HSPA12A: variants seen among roughly 807,000 people sequenced by gnomAD.
HSPA12A encodes the protein heat shock 70 kDa protein 12A.
HSPA12A carries 28 observed loss-of-function variants against 69.2 expected under a neutral mutation model. The observed-to-expected ratio is 0.40, with a 90% CI of 0.30 to 0.55. The LOEUF (loss-of-function observed/expected upper bound fraction) is 0.55. Among genes scored for constraint, HSPA12A ranks in the 20% least tolerant of loss-of-function variants. HSPA12A has a pLI of 0.38. For missense variants in HSPA12A, 686 were observed against 900.7 expected, an observed-to-expected ratio of 0.76 and a Z score of 3.05; for synonymous variants, 345 against 370.5, an observed-to-expected ratio of 0.93 and a Z score of 0.79.
chr10:116,761,450 C>A (rs1239945409), intron 2 of HSPA12A, among the ~76,000 whole-genome samples: 2 of 150,134 alleles, frequency 1.3e-5, no homozygotes, highest in Non-Finnish European at 3.0e-5. Context: ...CACACCACTG[C>A]ACTCCCACCT....
At chr10:116,695,061 C>A (rs1188321722) in intron 5 of HSPA12A, among the ~76,000 whole-genome samples, 5 of 152,070 alleles carry the variant, frequency 3.3e-5, no homozygotes, top group African/African-American at 1.2e-4. Flanking sequence ...TCCTTCCCAG[C>A]CCACGGGCCC....
intron 2 of HSPA12A, among the ~76,000 whole-genome samples, chr10:116,809,612 A>G (rs1044305364): frequency 6.6e-6 from 1 of 152,048 alleles, no homozygotes; most frequent in Non-Finnish European, 1.5e-5. Flanking sequence ...TCATCAACAC[A>G]TTTCAGCGAC....
At chr10:116,807,486 TGCCACACA>T in intron 2 of HSPA12A, among the ~76,000 whole-genome samples, 1 of 152,288 alleles carries the variant, frequency 6.6e-6, no homozygotes, top group East Asian at 1.9e-4. Flanking sequence ...GGATTGAGTG[TGCCACACA>T]TACCCTGCCA....
chr10:116,718,321 G>A (rs1344503600), intron 1 of HSPA12A, among the ~76,000 whole-genome samples: 1 of 152,204 alleles, frequency 6.6e-6, no homozygotes, highest in Non-Finnish European at 1.5e-5. Context: ...GGGGAGGGGA[G>A]AGGGAAGAGG....
At chr10:116,832,592 G>T (rs570545160) in intron 2 of HSPA12A, 46 of 152,322 alleles carry the variant, frequency 3.0e-4, no homozygotes, top group African/African-American at 1.1e-3. Flanking sequence ...CAGCCTATTG[G>T]TCAATTCTAT....
At chr10:116,757,860 G>C (rs782058808) in intron 2 of HSPA12A, among the ~76,000 whole-genome samples, 4 of 152,164 alleles carry the variant, frequency 2.6e-5, no homozygotes. Context: ...GCCACATCCA[G>C]ATAAATACAA....
At chr10:116,749,754 A>G (rs1164863565) in intron 2 of HSPA12A, among the ~76,000 whole-genome samples, 1 of 152,238 alleles carries the variant, frequency 6.6e-6, no homozygotes, top group Non-Finnish European at 1.5e-5. Flanking sequence ...TGAGAAAACC[A>G]AAGGTCCAGT....
chr10:116,769,050 AAGTGACATCC>A (rs1844140674), intron 2 of HSPA12A, among the ~76,000 whole-genome samples: 1 of 152,184 alleles, frequency 6.6e-6, no homozygotes, highest in African/African-American at 2.4e-5. Context: ...CAGGTGTGGA[AAGTGACATCC>A]AGCACAGCAC....
At chr10:116,835,465 G>A (rs7101324) in intron 1 of HSPA12A, among the ~76,000 whole-genome samples, 9,329 of 152,102 alleles carry the variant, frequency 0.061, 867 homozygotes, top group African/African-American at 0.21. Context: ...ACATTTGACA[G>A]AGCCAATGTA....
chr10:116,794,737 C>T (rs1844781040), intron 2 of HSPA12A, among the ~76,000 whole-genome samples: 1 of 151,916 alleles, frequency 6.6e-6, no homozygotes, highest in Non-Finnish European at 1.5e-5. Context: ...TGCTTGAACT[C>T]CAGAGATGGA....
At chr10:116,738,518 T>C (rs951239746) in intron 1 of HSPA12A, among the ~76,000 whole-genome samples, 2 of 152,152 alleles carry the variant, frequency 1.3e-5, no homozygotes, top group African/African-American at 4.8e-5. Flanking sequence ...TTAGCAAGTT[T>C]TTCAAAGCCC....
chr10:116,678,113 G>A (rs1035832870), intron 10 of HSPA12A, among the ~76,000 whole-genome samples: 2 of 151,838 alleles, frequency 1.3e-5, no homozygotes, highest in South Asian at 4.2e-4. Flanking sequence ...GAGTATTCTA[G>A]CTAAATAAAT....
intron 2 of HSPA12A, among the ~76,000 whole-genome samples, chr10:116,793,115 A>T (rs1844735443): frequency 1.3e-5 from 2 of 152,284 alleles, no homozygotes; most frequent in Admixed American, 1.3e-4. Flanking sequence ...AGACATTTTC[A>T]AAACAACAAA....
chr10:116,693,405 C>T (rs1053722977), intron 5 of HSPA12A, among the ~76,000 whole-genome samples: 5 of 152,256 alleles, frequency 3.3e-5, no homozygotes, highest in East Asian at 1.9e-4. Flanking sequence ...TTCCCATCTG[C>T]GCAATGGAGA....
chr10:116,776,647 G>T (rs1485614219), intron 2 of HSPA12A, among the ~76,000 whole-genome samples: 3 of 152,160 alleles, frequency 2.0e-5, no homozygotes, highest in Non-Finnish European at 4.4e-5. Flanking sequence ...CTTCCCTGAA[G>T]TACTCAAGCC....
intron 2 of HSPA12A, among the ~76,000 whole-genome samples, chr10:116,706,625 C>G (rs1413046923): frequency 6.6e-6 from 1 of 152,126 alleles, no homozygotes; most frequent in Non-Finnish European, 1.5e-5. Context: ...TACGTGCACA[C>G]CCCTCTAAAC....
chr10:116,843,269 C>T (rs1845831994), intron 1 of HSPA12A, among the ~76,000 whole-genome samples: 1 of 152,196 alleles, frequency 6.6e-6, no homozygotes, highest in Admixed American at 6.5e-5. Flanking sequence ...GAGGCATAAT[C>T]ACCTCAAAAG....
In HSPA12A at chr10:116,674,733, AG is replaced by A; in HGVS notation, c.*47del. ...AAGAACAGTCAAGGTTGAGGTCAGC[AG>A]ATGCAGATAAGTTGAGTCCAAGGGG... On this transcript the variant is annotated 3_prime_UTR_variant, in exon 12 of 12. Coordinates refer to ENST00000369209, the MANE Select transcript of HSPA12A (RefSeq NM_025015.3). 2 of 1,554,406 alleles carry A rather than the reference AG, an allele frequency of 1.3e-6. No individual in the cohort carries two copies. The highest frequency in any genetic ancestry group is 1.7e-6 in the Non-Finnish European group (2 of 1,147,816).
chr10:116,779,413 T>A (rs1332579246), intron 2 of HSPA12A, among the ~76,000 whole-genome samples: 1 of 152,098 alleles, frequency 6.6e-6, no homozygotes, highest in African/African-American at 2.4e-5. Flanking sequence ...GTGGGGCACC[T>A]CAGGGCTGTG....
Sources: gnomAD v4.1 joint callset for allele counts (sites outside exome capture counted in the v4.1 genomes callset) on GRCh38, gnomAD v4.1.1 for gene constraint, MANE v1.5 for transcripts, NCBI Gene and HGNC (gene_info 2026-07-23, HGNC 2026-07-21) for gene names.